The following LAMA3 variants were observed in gnomAD, a reference collection of about 807,000 sequenced individuals.
LAMA3 encodes laminin subunit alpha 3.
In LAMA3, 281 loss-of-function variants were observed where a neutral mutation model predicts 402.0. The ratio of observed to expected loss-of-function variants is 0.70; its 90% CI spans 0.63 to 0.77. The LOEUF (loss-of-function observed/expected upper bound fraction) is 0.77. LAMA3 is among the 30% of genes least tolerant of loss of function. The probability of loss-of-function intolerance (pLI) is 0.00; values close to 1 mark genes in which losing one functional copy is unlikely to be tolerated. For synonymous variants in LAMA3, 1,431 were observed against 1,558.4 expected, an observed-to-expected ratio of 0.92 and a Z score of 1.93; for missense variants, 3,840 against 4,215.5, an observed-to-expected ratio of 0.91 and a Z score of 2.47.
At chr18:23,900,821 C>G (rs1234293830) in intron 47 of LAMA3, among the ~76,000 whole-genome samples, 1 of 152,202 alleles carries the variant, frequency 6.6e-6, no homozygotes, top group East Asian at 1.9e-4. Flanking sequence ...GCAGCCAGCT[C>G]AAGTTCAAGT....
chr18:23,826,354 T>C (rs1175214067), intron 21 of LAMA3, among the ~76,000 whole-genome samples: 2 of 152,240 alleles, frequency 1.3e-5, no homozygotes, highest in Non-Finnish European at 2.9e-5. Flanking sequence ...TCTGTACTGC[T>C]GAAGGCAACC....
At chr18:23,748,194 C>G in intron 3 of LAMA3, 134 bp downstream of exon 3, 1 of 707,130 alleles carries the variant, frequency 1.4e-6, no homozygotes, top group Non-Finnish European at 2.6e-6. Context: ...TTTGGAAGGC[C>G]AAGGCGGGTG....
intron 38 of LAMA3, among the ~76,000 whole-genome samples, chr18:23,876,000 G>C (rs2064697236): frequency 6.6e-6 from 1 of 152,170 alleles, no homozygotes; most frequent in African/African-American, 2.4e-5. Context: ...ACTCACTGAA[G>C]GAAAGAAGGT....
chr18:23,814,410 G>A lies in LAMA3; in HGVS notation c.1796G>A (p.Cys599Tyr). 1 of 1,609,186 alleles carries A rather than the reference G, an allele frequency of 6.2e-7. No homozygotes were observed. Among genetic ancestry groups the A allele is most frequent in the Non-Finnish European group, 8.5e-7 (1 of 1,175,542 alleles). Residue 599 changes from cysteine (C) to tyrosine (Y), a missense_variant, in exon 15 of 75, where the codon TGC becomes TAC. By Grantham distance (194) the Cys-to-Tyr change is radical. Coordinates refer to ENST00000313654, the MANE Select transcript of LAMA3 (RefSeq NM_198129.4). ...AGTINSNLGY[C>Y]QCKLHVEGPT... ...TTTGATTTTCATTCAAAGGGGTATT[G>A]CCAATGCAAGCTTCATGTTGAAGGT...
In LAMA3 at chr18:23,950,206, T is replaced by G. The variant is rs368328599; in HGVS notation, c.9642+47T>G. ...TGGGGAGGGTCTGTAGAAACCAGCT[T>G]CAATGTCTGGAGGCCACAGCGGGTC... is the stretch of plus-strand genomic sequence containing the variant. On this transcript the variant is annotated intron_variant, in intron 72 of 74. Transcript: ENST00000313654. 2.5e-6 allele frequency: 4 copies of G among 1,611,970 alleles called. No individual in the cohort carries two copies. The African/African-American group carries it at 4.0e-5, about 16-fold the overall frequency.
chr18:23,923,068 G>A (rs2081894318), intron 62 of LAMA3, among the ~76,000 whole-genome samples: 1 of 152,218 alleles, frequency 6.6e-6, no homozygotes. Context: ...CTAGCAGTCA[G>A]TGTATGTGAA....
At chr18:23,772,234 G>T (rs930675007) in intron 8 of LAMA3, among the ~76,000 whole-genome samples, 1 of 152,108 alleles carries the variant, frequency 6.6e-6, no homozygotes, top group South Asian at 2.1e-4. Context: ...CAGAGACGGG[G>T]TTTCACCATA....
At chr18:23,831,632 C>G (rs1159488885) in intron 23 of LAMA3, among the ~76,000 whole-genome samples, 4 of 152,158 alleles carry the variant, frequency 2.6e-5, no homozygotes, top group Non-Finnish European at 4.4e-5. Context: ...GTCTAGTTAT[C>G]TAATTACTTG....
At chr18:23,831,683 T>C (rs1450550974) in intron 23 of LAMA3, among the ~76,000 whole-genome samples, 1 of 152,208 alleles carries the variant, frequency 6.6e-6, no homozygotes, top group Admixed American at 6.5e-5. Flanking sequence ...TGCTTCCCAT[T>C]GTATACCTAT....
chr18:23,915,384 A>G lies in LAMA3; in HGVS notation c.7740A>G (p.Thr2580=), dbSNP rs145848988. The G allele has an allele frequency of 3.0e-4, 481 of 1,613,830 alleles. No individual in the cohort carries two copies. Among genetic ancestry groups the G allele is most frequent in the Middle Eastern group, 5.0e-4 (3 of 6,060 alleles). The change falls in exon 59 of 75, where the codon ACA becomes ACG. Residue 2580 remains threonine (T), a synonymous_variant. Coordinates refer to ENST00000313654, the MANE Select transcript of LAMA3 (RefSeq NM_198129.4). ...TGAGCTTGTACAACTTCAAAAAAAC[A>G]TTCAATCTCAACACAACTGAAGTGG... ...NVLSLYNFKK[T]FNLNTTEVEP...
At chr18:23,778,280 A>T (rs1168185715) in intron 11 of LAMA3, among the ~76,000 whole-genome samples, 1 of 152,224 alleles carries the variant, frequency 6.6e-6, no homozygotes, top group African/African-American at 2.4e-5. Context: ...TGTGCAAAGT[A>T]CCATTCTGGC....
In LAMA3 at chr18:23,869,057, A is replaced by G. The variant is rs1455786622; in HGVS notation, c.4767+1140A>G. On this transcript the variant is annotated intron_variant, in intron 37 of 74. Coordinates refer to ENST00000313654, the MANE Select transcript of LAMA3 (RefSeq NM_198129.4). Reference sequence around the variant, plus strand: ...AGTATCATATTGTATGATTCTATTTATGTGAGACAGGTGATATCAGTAAAA... The same window carrying G: ...AGTATCATATTGTATGATTCTATTTGTGTGAGACAGGTGATATCAGTAAAA... 2.0e-5 allele frequency among the ~76,000 whole-genome samples: 3 copies of G among 152,344 alleles called. No individual in the cohort carries two copies. The East Asian group carries it at 5.8e-4, about 29-fold the overall frequency.
intron 12 of LAMA3, among the ~76,000 whole-genome samples, chr18:23,789,070 C>T (rs539789600): frequency 6.6e-6 from 1 of 152,158 alleles, no homozygotes; most frequent in East Asian, 1.9e-4. Context: ...AAATGGCCAA[C>T]TGGTATATGA....
At chr18:23,754,859 A>G (rs1162511012) in intron 6 of LAMA3, among the ~76,000 whole-genome samples, 1 of 152,154 alleles carries the variant, frequency 6.6e-6, no homozygotes, top group African/African-American at 2.4e-5. Context: ...CCAGAGATGT[A>G]TTTCACTTTT....
At chr18:23,848,450 C>T (rs1241962135) in intron 32 of LAMA3, among the ~76,000 whole-genome samples, 2 of 152,146 alleles carry the variant, frequency 1.3e-5, no homozygotes, top group African/African-American at 2.4e-5. Context: ...CCAGAGAAAG[C>T]GTATGGCTCC....
At chr18:23,842,278 T>A (rs1468419915) in intron 27 of LAMA3, 117 bp from the exon 28 acceptor site, 2 of 1,290,656 alleles carry the variant, frequency 1.5e-6, no homozygotes, top group East Asian at 4.6e-5. Flanking sequence ...CATTTCACTT[T>A]GGTAAATACT....
intron 18 of LAMA3, among the ~76,000 whole-genome samples, chr18:23,817,400 G>A (rs773595465): frequency 6.6e-6 from 1 of 152,146 alleles, no homozygotes; most frequent in Non-Finnish European, 1.5e-5. Context: ...ATTGTATTTA[G>A]CAAGGTGATT....
intron 69 of LAMA3, among the ~76,000 whole-genome samples, chr18:23,944,739 A>G (rs1225607253): frequency 1.3e-5 from 2 of 152,178 alleles, no homozygotes; most frequent in African/African-American, 4.8e-5. Context: ...GCAATAAGAA[A>G]TGGAATTAGA....
At chr18:23,771,439 G>T (rs1467027015) in intron 8 of LAMA3, among the ~76,000 whole-genome samples, 1 of 152,102 alleles carries the variant, frequency 6.6e-6, no homozygotes, top group Non-Finnish European at 1.5e-5. Context: ...GGGGAAAGAG[G>T]AACTTTGGGG....
Sources: gnomAD v4.1 joint callset for allele counts (sites outside exome capture counted in the v4.1 genomes callset) on GRCh38, gnomAD v4.1.1 for gene constraint, MANE v1.5 for transcripts, NCBI Gene and HGNC (gene_info 2026-07-23, HGNC 2026-07-21) for gene names.